LRCH4: variants seen among roughly 807,000 people sequenced by gnomAD.
LRCH4 encodes the protein leucine rich repeats and calponin homology domain containing 4.
A neutral mutation model predicts 81.2 loss-of-function variants in LRCH4; 56 were observed. The observed-to-expected ratio is 0.69, with a 90% CI of 0.56 to 0.86. The LOEUF (loss-of-function observed/expected upper bound fraction) is 0.86. LRCH4 is among the 40% of genes least tolerant of loss of function. LRCH4 has a pLI of 0.00. For missense variants in LRCH4, 895 were observed against 922.8 expected (o/e 0.97, Z 0.39); for synonymous variants, 442 against 409.7 (o/e 1.08, Z -0.95).
Position 100,575,448 on chromosome 7 carries a change from CAGG to C in LRCH4, c.1855-147_1855-145del, listed in dbSNP as rs1180083460. The C allele has an allele frequency of 1.5e-5, 13 of 880,428 alleles. No homozygotes were observed. The highest frequency in any genetic ancestry group is 5.0e-5 in the African/African-American group (3 of 60,480). The allele number at this position is 880,428 out of a possible 1,614,324, so 54.5% of individuals were successfully genotyped here. ...CGTGCTGGGCAGGGGGAGTGCAGTG[CAGG>C]AGGAGTGCAGGGCAGGGCATGTGCA... On this transcript the variant is annotated intron_variant, in intron 17 of 17. Coordinates refer to ENST00000310300, the MANE Select transcript of LRCH4 (RefSeq NM_002319.5). The surrounding 1 kb of genome is among the most constrained non-coding windows in gnomAD (Gnocchi z 5.3).
At chr7:100,584,935 C>A (rs778415695) in intron 1 of LRCH4, 1 of 374,256 alleles carries the variant, frequency 2.7e-6, no homozygotes, top group Non-Finnish European at 5.4e-6. Flanking sequence ...CCCCAGCTGC[C>A]GGCCCAAGGT....
Position 100,583,085 on chromosome 7 carries a change from T to G in LRCH4, c.221-626A>C, listed in dbSNP as rs923725425. ...CATAAAGTTACTGATTCCCAAGGGC[T>G]GGGAGGGAAGGGCAAGAAGACCTGG... On this transcript the variant is annotated intron_variant, in intron 1 of 17. Transcript: ENST00000310300. The surrounding 1 kb of genome is among the most constrained non-coding windows in gnomAD (Gnocchi z 4.3). Among the ~76,000 whole-genome samples the G allele has an allele frequency of 6.6e-6, 1 of 152,132 alleles. No individual in the cohort carries two copies. The highest frequency in any genetic ancestry group is 1.5e-5 in the Non-Finnish European group (1 of 68,022).
rs1470758304 is a variant in LRCH4, at chr7:100,582,284, C to T, written c.365+31G>A. 8 of 1,614,024 alleles carry T rather than the reference C, an allele frequency of 5.0e-6. 1 individual carries two copies. In the South Asian group the frequency reaches 8.8e-5, roughly 18 times the overall value. On this transcript the variant is annotated intron_variant, in intron 2 of 17. Transcript: ENST00000310300. The surrounding 1 kb of genome is among the most constrained non-coding windows in gnomAD (Gnocchi z 5.0). ...AGTACTTGAGACTGAGAAGCACACG[C>T]TCCCACGTGGCCCTGGCTCGGCCTC...
chr7:100,578,743 G>A lies in LRCH4; in HGVS notation c.642C>T (p.Asn214=). Reference sequence around the variant, plus strand: ...AGGAGACTGGGATTCGGGAGACGCGGTTACAGGAGAAATCCAGGCGGACCA... The same window carrying A: ...AGGAGACTGGGATTCGGGAGACGCGATTACAGGAGAAATCCAGGCGGACCA... ...LPLVRLDFSC[N]RVSRIPVSFC... Residue 214 remains asparagine (N), a synonymous_variant, in exon 5 of 18, where the codon AAC becomes AAT. Coordinates refer to ENST00000310300, the MANE Select transcript of LRCH4 (RefSeq NM_002319.5). This position sits in a 1 kb window ranked among gnomAD's most constrained non-coding sequence, Gnocchi z 5.7. 1 of 1,614,072 alleles carries A rather than the reference G, an allele frequency of 6.2e-7. No individual in the cohort carries two copies.
Position 100,577,823 on chromosome 7 carries a change from T to A in LRCH4, c.1038A>T (p.Ser346=). 6.2e-7 allele frequency: 1 copy of A among 1,612,872 alleles called. No individual in the cohort carries two copies. The highest frequency in any genetic ancestry group is 8.5e-7 in the Non-Finnish European group (1 of 1,178,980). The change falls in exon 8 of 18, where the codon TCA becomes TCT. Residue 346 remains serine, a splice_region_variant and synonymous_variant. Coordinates refer to ENST00000310300, the MANE Select transcript of LRCH4 (RefSeq NM_002319.5). The surrounding 1 kb of genome is among the most constrained non-coding windows in gnomAD (Gnocchi z 6.7). Reference sequence around the variant, plus strand: ...CTCCCGGCCAGCCCTGCTACTCACCTGAGCCATCCTCCTTGCGTTCTCTGG... The same window carrying A: ...CTCCCGGCCAGCCCTGCTACTCACCAGAGCCATCCTCCTTGCGTTCTCTGG... ...RGPRERKEDG[S]ADGDPVQIDF...
chr7:100,575,678 C>T lies in LRCH4; in HGVS notation c.1854+27G>A. The T allele has an allele frequency of 6.2e-7, 1 of 1,613,252 alleles. No homozygotes were observed. Among genetic ancestry groups the T allele is most frequent in the Non-Finnish European group, 8.5e-7 (1 of 1,179,166 alleles). On this transcript the variant is annotated intron_variant, in intron 17 of 17. Coordinates refer to ENST00000310300, the MANE Select transcript of LRCH4 (RefSeq NM_002319.5). This position sits in a 1 kb window ranked among gnomAD's most constrained non-coding sequence, Gnocchi z 5.3. ...ATGCTCGGCTGAGTCCGGCATGCCA[C>T]CACTCTTTAGAAAGCAGCCCCCATA...
chr7:100,575,957 G>C lies in LRCH4; in HGVS notation c.1690C>G (p.Leu564Val). 6.2e-7 allele frequency: 1 copy of C among 1,609,826 alleles called. No homozygotes were observed. The highest frequency in any genetic ancestry group is 8.5e-7 in the Non-Finnish European group (1 of 1,178,952). The change falls in exon 16 of 18, where the codon CTG becomes GTG. Residue 564 changes from leucine (L) to valine (V), a missense_variant. Around this residue, in one of 3 missense-constraint regions of LRCH4, gnomAD observed 529 missense variants for 504.9 expected, o/e 1.05. Coordinates refer to ENST00000310300, the MANE Select transcript of LRCH4 (RefSeq NM_002319.5). This position sits in a 1 kb window ranked among gnomAD's most constrained non-coding sequence, Gnocchi z 5.3. ...TGGCACAGGATGACCCCACTGGCCAGAGCCTCGGCCAGGTCCTCAGGCAGG... is the reference window on the plus strand; with the variant it reads ...TGGCACAGGATGACCCCACTGGCCACAGCCTCGGCCAGGTCCTCAGGCAGG... ...RPLPEDLAEA[L>V]ASGVILCQLA...
In LRCH4 at chr7:100,578,793, C is replaced by T. The variant is rs749469364; in HGVS notation, c.599-7G>A. On this transcript the variant is annotated splice_polypyrimidine_tract_variant and splice_region_variant and intron_variant, in intron 4 of 17. Coordinates refer to ENST00000310300, the MANE Select transcript of LRCH4 (RefSeq NM_002319.5). This position sits in a 1 kb window ranked among gnomAD's most constrained non-coding sequence, Gnocchi z 5.7. ...AGAGGGAGGTCCCCCAGCTCTGGAA[C>T]AGGTGGGCAAGGGAAAAGTCAGGAA... The T allele has an allele frequency of 3.7e-5, 59 of 1,612,228 alleles. 1 individual carries two copies. The South Asian group carries it at 4.9e-4, about 14-fold the overall frequency.
chr7:100,574,048 G>T lies in LRCH4; in HGVS notation c.*1059C>A, dbSNP rs201992851. 1.9e-3 allele frequency: 302 copies of T among 162,948 alleles called. 2 individuals carry two copies. Among genetic ancestry groups the T allele is most frequent in the African/African-American group, 6.9e-3 (286 of 41,672 alleles). The allele number at this position is 162,948 out of a possible 1,614,324, so 10.1% of individuals were successfully genotyped here. On this transcript the variant is annotated 3_prime_UTR_variant, in exon 18 of 18. Coordinates refer to ENST00000310300, the MANE Select transcript of LRCH4 (RefSeq NM_002319.5). ...GCCACCCAGAGGGCTTCTGGCTTCT[G>T]TTTATTGCGGCTGACACGACACCTG...
rs191101243 is a variant in LRCH4 at position 100,577,863 on chromosome 7, C to T, written c.998G>A (p.Arg333Gln). Residue 333 changes from arginine (R) to glutamine (Q), a missense_variant, in exon 8 of 18, where the codon CGG (arginine) becomes CAG (glutamine). Around this residue, in one of 3 missense-constraint regions of LRCH4, gnomAD observed 529 missense variants for 504.9 expected, o/e 1.05. Coordinates refer to ENST00000310300, the MANE Select transcript of LRCH4 (RefSeq NM_002319.5). The surrounding 1 kb of genome is among the most constrained non-coding windows in gnomAD (Gnocchi z 6.7). ...GCGTTCTCTGGGTCCCCGGGGCTCC[C>T]GGGCCAGCTCTGAGATCCGGAATGA... The part of the protein sequence containing the change: ...ELSFRISELA[R>Q]EPRGPRERKE... 38 of 1,613,902 alleles carry T rather than the reference C, an allele frequency of 2.4e-5. No homozygotes were observed. The highest frequency in any genetic ancestry group is 3.1e-5 in the Non-Finnish European group (37 of 1,179,816).
At chr7:100,584,052 A>G (rs1221384433) in intron 1 of LRCH4, 2 of 439,528 alleles carry the variant, frequency 4.6e-6, no homozygotes, top group African/African-American at 4.0e-5. Context: ...GCCTAGTCCA[A>G]GGGAGATCAG....
In LRCH4 at chr7:100,577,360, C is replaced by T. The variant is rs530626700; in HGVS notation, c.1208G>A (p.Arg403Gln). The T allele has an allele frequency of 1.9e-5, 30 of 1,599,552 alleles. No individual in the cohort carries two copies. The African/African-American group carries it at 2.7e-4, about 14-fold the overall frequency. Residue 403 changes from arginine to glutamine, a missense_variant, in exon 11 of 18, where the codon CGG (arginine) becomes CAG (glutamine). Around this residue, in one of 3 missense-constraint regions of LRCH4, gnomAD observed 529 missense variants for 504.9 expected, o/e 1.05. Coordinates refer to ENST00000310300, the MANE Select transcript of LRCH4 (RefSeq NM_002319.5). The surrounding 1 kb of genome is among the most constrained non-coding windows in gnomAD (Gnocchi z 6.7). ...CCACAGCTGCAAGGTGTCCGGGCGC[C>T]GCCGCTCCTCCCCTGCCGGCTCCTC... ...RREEPAGEERRRPDTLQLWQE... is the reference protein window; with the variant it reads ...RREEPAGEERQRPDTLQLWQE...
Position 100,575,283 on chromosome 7 carries a change from C to A in LRCH4, c.1876G>T (p.Asp626Tyr). 6.4e-7 allele frequency: 1 copy of A among 1,559,692 alleles called. No individual in the cohort carries two copies. The highest frequency in any genetic ancestry group is 8.7e-7 in the Non-Finnish European group (1 of 1,150,020). The change falls in exon 18 of 18, where the codon GAT (aspartate) becomes TAT (tyrosine). Residue 626 changes from aspartate (D) to tyrosine (Y), a missense_variant. Asp to Tyr is a radical substitution (Grantham distance 160, BLOSUM62 -3). Coordinates refer to ENST00000310300, the MANE Select transcript of LRCH4 (RefSeq NM_002319.5). This position sits in a 1 kb window ranked among gnomAD's most constrained non-coding sequence, Gnocchi z 5.3. The part of the protein sequence containing the change: ...VPEADLCSPS[D>Y]LLQGTARGLR... ...CCCCGGGCAGTGCCCTGGAGGAGAT[C>A]CGAGGGCGAGCACAGGTCAGCCTGG...
In LRCH4 at chr7:100,578,514, G is replaced by A; in HGVS notation, c.736-3C>T. 6.2e-7 allele frequency: 1 copy of A among 1,612,798 alleles called. No individual in the cohort carries two copies. Among genetic ancestry groups the A allele is most frequent in the Middle Eastern group, 1.7e-4 (1 of 6,060 alleles). On this transcript the variant is annotated splice_polypyrimidine_tract_variant and splice_region_variant and intron_variant, in intron 5 of 17. Coordinates refer to ENST00000310300, the MANE Select transcript of LRCH4 (RefSeq NM_002319.5). This position sits in a 1 kb window ranked among gnomAD's most constrained non-coding sequence, Gnocchi z 5.7. ...TGAAGTTTCCCCTTCAGGCAGACCT[G>A]TGTGCGGGGCAGCACACGCCAGGGA...
At chr7:100,584,448 G>T (rs1801657928) in intron 1 of LRCH4, among the ~76,000 whole-genome samples, 1 of 152,038 alleles carries the variant, frequency 6.6e-6, no homozygotes, top group African/African-American at 2.4e-5. Context: ...GAGCTGGGAG[G>T]GGCCGGGGAG....
At chr7:100,584,984 T>C (rs914527155) in intron 1 of LRCH4, 6 of 355,522 alleles carry the variant, frequency 1.7e-5, no homozygotes, top group Non-Finnish European at 2.2e-5. Flanking sequence ...TTGACTCACC[T>C]GTCACAGTTA....
rs2131216588 is a variant in LRCH4, at chr7:100,583,101, G to A, written c.221-642C>T. ...CCCAAGGGCTGGGAGGGAAGGGCAA[G>A]AAGACCTGGTTGGAGATGGGAGCTG... On this transcript the variant is annotated intron_variant, in intron 1 of 17. Transcript: ENST00000310300. The surrounding 1 kb of genome is among the most constrained non-coding windows in gnomAD (Gnocchi z 4.3). Among the ~76,000 whole-genome samples the A allele has an allele frequency of 6.6e-6, 1 of 152,358 alleles. No homozygotes were observed. The highest frequency in any genetic ancestry group is 1.9e-4 in the East Asian group (1 of 5,178).
intron 1 of LRCH4, chr7:100,585,011 C>T (rs563943097): frequency 5.7e-6 from 2 of 348,672 alleles, no homozygotes; most frequent in East Asian, 1.6e-4. Flanking sequence ...CCACCCCCTA[C>T]CATCCACAGA....
chr7:100,576,662 T>G (rs1213582583), intron 14 of LRCH4, 32 bp downstream of exon 14: 18 of 1,550,138 alleles, frequency 1.2e-5, no homozygotes, highest in Admixed American at 1.9e-5. Flanking sequence ...TGGCAAGCAC[T>G]GGGTCAGCAC....
Sources: allele counts gnomAD v4.1 joint callset (sites outside exome capture counted in the v4.1 genomes callset), GRCh38; gene constraint gnomAD v4.1.1; regional missense constraint gnomAD v4.1.1; non-coding constraint Gnocchi (gnomAD v3.1); transcripts MANE v1.5; gene names NCBI Gene and HGNC (gene_info 2026-07-23, HGNC 2026-07-21).